Variants in RDH8 observed in about 807,000 individuals in gnomAD.
RDH8 encodes retinol dehydrogenase 8, also known as photoreceptor outer segment all-trans retinol dehydrogenase.
RDH8 carries 14 observed loss-of-function variants against 22.3 expected under a neutral mutation model. That is an observed-to-expected ratio of 0.63 (90% CI 0.42 to 0.98). RDH8 has a LOEUF of 0.98. Among genes scored for constraint, RDH8 ranks in the 50% least tolerant of loss-of-function variants. The probability of loss-of-function intolerance (pLI) is 0.00; values close to 1 mark genes in which losing one functional copy is unlikely to be tolerated. For missense variants in RDH8, 389 were observed against 409.8 expected (o/e 0.95, Z 0.44); for synonymous variants, 175 against 171.7 (o/e 1.02, Z -0.15).
intron 4 of RDH8, 143 bp from the exon 5 acceptor site, chr19:10,021,112 T>C: frequency 1.3e-6 from 1 of 759,882 alleles, no homozygotes; most frequent in Non-Finnish European, 2.1e-6. Flanking sequence ...AGTTGGAGGC[T>C]GCAGACAGCT....
chr19:10,019,047 A>C (rs1343151026), intron 3 of RDH8, 137 bp downstream of exon 3: 5 of 703,772 alleles, frequency 7.1e-6, no homozygotes, highest in Non-Finnish European at 1.1e-5. Context: ...CTGTAATCTT[A>C]GCACTTTGGG....
chr19:10,018,651 G>A (rs2087636938), intron 2 of RDH8, 80 bp from the exon 3 acceptor site: 1 of 1,163,070 alleles, frequency 8.6e-7, no homozygotes, highest in Admixed American at 2.3e-5. Context: ...AGTACGGGGT[G>A]AGGTGCTTCA....
Position 10,017,131 on chromosome 19 carries a change from C to A in RDH8, c.178C>A (p.Leu60Ile). The A allele has an allele frequency of 4.3e-6, 7 of 1,611,524 alleles. No homozygotes were observed. Among genetic ancestry groups the A allele is most frequent in the Non-Finnish European group, 5.9e-6 (7 of 1,178,372 alleles). Residue 60 changes from leucine to isoleucine, a missense_variant, in exon 2 of 6, where the codon CTC (leucine) becomes ATC (isoleucine). Leu to Ile is a conservative substitution (Grantham distance 5). Coordinates refer to ENST00000591589, the MANE Select transcript of RDH8 (RefSeq NM_015725.4). ...AAAGEALGQTLTVAQLDVCSD... is the reference protein window; with the variant it reads ...AAAGEALGQTITVAQLDVCSD... ...TGCTGGGGAGGCTCTGGGGCAGACC[C>A]TCACCGTGGCCCAGCTGGACGTGTG...
At chr19:10,016,313 ATTTTTTTTTT>A (rs59119984) in intron 1 of RDH8, among the ~76,000 whole-genome samples, 1 of 128,280 alleles carries the variant, frequency 7.8e-6, no homozygotes, top group Non-Finnish European at 1.6e-5. Flanking sequence ...CGCCAGGCTA[ATTTTTTTTTT>A]TTTTTGTATT....
chr19:10,016,014 A>C (rs185689378), intron 1 of RDH8, among the ~76,000 whole-genome samples: 1 of 151,912 alleles, frequency 6.6e-6, no homozygotes, highest in Admixed American at 6.6e-5. Flanking sequence ...ATATGCACAT[A>C]TGTTGGCTAT....
At position 10,021,642 on chromosome 19, in the gene RDH8, T is replaced by C. The variant is rs45503592; in HGVS notation, c.829T>C (p.Tyr277His). The C allele has an allele frequency of 0.01, 16,398 of 1,613,784 alleles. 130 individuals are homozygous for C. Among genetic ancestry groups the C allele is most frequent in the Non-Finnish European group, 0.011 (13,336 of 1,179,678 alleles). Residue 277 changes from tyrosine (Y) to histidine (H), a missense_variant, in exon 6 of 6, where the codon TAT becomes CAT. Transcript: ENST00000591589. ...LKTVDSSGSL[Y>H]VRTTHRLLFR... is the part of the protein sequence containing the mutation. ...AACCGTGGATTCCTCTGGCAGCCTG[T>C]ATGTGCGAACGACCCACCGCCTCCT...
chr19:10,020,384 G>A (rs1404580034), intron 3 of RDH8, among the ~76,000 whole-genome samples: 1 of 151,694 alleles, frequency 6.6e-6, no homozygotes, highest in African/African-American at 2.4e-5. Flanking sequence ...GAGGGAGGAA[G>A]AGAGACAAGG....
chr19:10,017,898 G>A (rs148711350), intron 2 of RDH8, among the ~76,000 whole-genome samples: 1,968 of 151,914 alleles, frequency 0.013, 44 homozygotes, highest in African/African-American at 0.045. Context: ...CGCCCACCTC[G>A]ACCTCCCAGA....
chr19:10,016,349 G>T (rs1287801766), intron 1 of RDH8, among the ~76,000 whole-genome samples: 1 of 150,694 alleles, frequency 6.6e-6, no homozygotes, highest in South Asian at 2.1e-4. Context: ...TAGAGACGGG[G>T]TTTCACCATG....
In RDH8 at chr19:10,021,346, C is replaced by G; in HGVS notation, c.628C>G (p.Pro210Ala). Residue 210 changes from proline (P) to alanine (A), a missense_variant, in exon 5 of 6, where the codon CCT (proline) becomes GCT (alanine). Transcript: ENST00000591589. ...TATGGCTGAGTTCCCAGGCACTGAC[C>G]CTGAGACCCTGCACTACTTCCGGGA... ...VSMAEFPGTD[P>A]ETLHYFRDLY... 2 of 1,613,996 alleles carry G rather than the reference C, an allele frequency of 1.2e-6. No homozygotes were observed. Among genetic ancestry groups the G allele is most frequent in the Non-Finnish European group, 1.7e-6 (2 of 1,179,990 alleles).
At chr19:10,015,427 T>C (rs1259655386) in intron 1 of RDH8, among the ~76,000 whole-genome samples, 1 of 151,848 alleles carries the variant, frequency 6.6e-6, no homozygotes, top group Non-Finnish European at 1.5e-5. Context: ...CACTCCAGCC[T>C]AAGCGACAGA....
chr19:10,017,275 A>G (rs945726402), intron 2 of RDH8, 60 bp downstream of exon 2: 70 of 1,439,794 alleles, frequency 4.9e-5, no homozygotes, highest in Non-Finnish European at 6.1e-5. Context: ...TAGACCCTCA[A>G]TATGGCAAGG....
At chr19:10,017,405 G>A (rs2087627146) in intron 2 of RDH8, among the ~76,000 whole-genome samples, 190 bp downstream of exon 2, 1 of 152,192 alleles carries the variant, frequency 6.6e-6, no homozygotes, top group Admixed American at 6.5e-5. Context: ...AGGGCTGGGT[G>A]CAGTGGCTCA....
At chr19:10,015,963 A>T (rs1045059214) in intron 1 of RDH8, among the ~76,000 whole-genome samples, 20 of 150,978 alleles carry the variant, frequency 1.3e-4, no homozygotes, top group African/African-American at 3.7e-4. Context: ...TCTCAAAAAA[A>T]AAATATATAT....
At chr19:10,017,028 C>G (rs368786142) in intron 1 of RDH8, 29 bp from the exon 2 acceptor site, 80 of 1,507,156 alleles carry the variant, frequency 5.3e-5, no homozygotes, top group Non-Finnish European at 7.0e-5. Flanking sequence ...AGCTCAGTGC[C>G]TGTCCCTGCT....
At chr19:10,013,627 G>A (rs1197307691) in intron 1 of RDH8, 27 bp downstream of exon 1, 2 of 1,613,172 alleles carry the variant, frequency 1.2e-6, no homozygotes, top group Non-Finnish European at 8.5e-7. Flanking sequence ...GGCACTAGGA[G>A]GCAGCCGGGT....
chr19:10,016,830 G>A (rs947284703), intron 1 of RDH8, among the ~76,000 whole-genome samples: 21 of 152,270 alleles, frequency 1.4e-4, no homozygotes, highest in African/African-American at 5.1e-4. Context: ...GTGTATAGTA[G>A]ATGCTCAATA....
chr19:10,017,777 C>G (rs2087630483), intron 2 of RDH8, among the ~76,000 whole-genome samples: 1 of 151,836 alleles, frequency 6.6e-6, no homozygotes, highest in Admixed American at 6.6e-5. Flanking sequence ...TCCTGAGTAG[C>G]TGGGATTACA....
At chr19:10,020,892 C>A in intron 4 of RDH8, 90 bp downstream of exon 4, 1 of 963,002 alleles carries the variant, frequency 1.0e-6, no homozygotes. Flanking sequence ...GACAATGAAG[C>A]TGAGTGCAGT....
Sources: allele counts gnomAD v4.1 joint callset (sites outside exome capture counted in the v4.1 genomes callset), GRCh38; gene constraint gnomAD v4.1.1; transcripts MANE v1.5; gene names NCBI Gene and HGNC (gene_info 2026-07-23, HGNC 2026-07-21).